KYNU: variants seen among roughly 807,000 people sequenced by gnomAD.
KYNU encodes kynureninase, also known as L-kynurenine hydrolase.
A neutral mutation model predicts 59.2 loss-of-function variants in KYNU; 54 were observed. The ratio of observed to expected loss-of-function variants is 0.91; its 90% CI spans 0.73 to 1.14. The LOEUF (loss-of-function observed/expected upper bound fraction) is 1.14, where lower values mean the gene tolerates loss of function less well. Ranked by LOEUF, KYNU falls within the 50% of genes most tolerant of loss-of-function variation. KYNU has a pLI of 0.00. For synonymous variants in KYNU, 177 were observed against 192.0 expected, an observed-to-expected ratio of 0.92 and a Z score of 0.65; for missense variants, 567 against 554.4, an observed-to-expected ratio of 1.02 and a Z score of -0.23.
At chr2:142,968,391 G>T (rs1428904992) in intron 8 of KYNU, among the ~76,000 whole-genome samples, 1 of 152,158 alleles carries the variant, frequency 6.6e-6, no homozygotes, top group Non-Finnish European at 1.5e-5. Context: ...TTAGAAAAGG[G>T]AGGACAAGTC....
rs191034089 is a variant in KYNU, at chr2:142,922,308, T to G, written c.290+3579T>G. Reference sequence around the variant, plus strand: ...TTGAGTTCAGGAGTTTGAGACCAGCTTGGGCAACATGGTAAAACCCTGTCT... The same window carrying G: ...TTGAGTTCAGGAGTTTGAGACCAGCGTGGGCAACATGGTAAAACCCTGTCT... On this transcript the variant is annotated intron_variant, in intron 3 of 13. Transcript: ENST00000264170. Among the ~76,000 whole-genome samples, 950 of 152,224 alleles carry G rather than the reference T, an allele frequency of 6.2e-3. 5 individuals are homozygous for G. Among genetic ancestry groups the G allele is most frequent in the Non-Finnish European group, 6.4e-3 (436 of 68,012 alleles).
intron 10 of KYNU, among the ~76,000 whole-genome samples, chr2:142,987,323 G>C (rs192786272): frequency 6.6e-6 from 1 of 151,680 alleles, no homozygotes; most frequent in East Asian, 1.9e-4. Context: ...AGGTGGGGTG[G>C]GGGGGAAGAA....
intron 8 of KYNU, 81 bp from the exon 9 acceptor site, chr2:142,985,003 A>G (rs1685156902): frequency 2.3e-6 from 2 of 879,490 alleles, no homozygotes; most frequent in Admixed American, 3.5e-5. Flanking sequence ...GAAGTTTGTC[A>G]AATGTTTTCT....
intron 2 of KYNU, among the ~76,000 whole-genome samples, chr2:142,899,269 T>C (rs1681989552): frequency 6.6e-6 from 1 of 152,180 alleles, no homozygotes. Context: ...TATATCCCGA[T>C]CATTGTCCCC....
rs891269928 is a variant in KYNU, at chr2:142,900,208, G to A, written c.169+14672G>A. Among the ~76,000 whole-genome samples the A allele has an allele frequency of 4.6e-5, 7 of 152,186 alleles. No homozygotes were observed. In the East Asian group the frequency reaches 7.7e-4, roughly 17 times the overall value. On this transcript the variant is annotated intron_variant, in intron 2 of 13. Coordinates refer to ENST00000264170, the MANE Select transcript of KYNU (RefSeq NM_003937.3). ...CTTTAGCCTGATCAGGAGTGGCAGC[G>A]GGCGCCTCGCTGGATCAGGAGCACA...
At chr2:143,005,139 A>G (rs1305884727) in intron 10 of KYNU, among the ~76,000 whole-genome samples, 1 of 152,220 alleles carries the variant, frequency 6.6e-6, no homozygotes, top group East Asian at 1.9e-4. Context: ...GAGGTATTTG[A>G]CAAGTGTAAT....
At position 142,918,575 on chromosome 2, in the gene KYNU, T is replaced by A. The variant is rs560344638; in HGVS notation, c.170-34T>A. ...ATACCATACTGAAAAAGCTTTTATT[T>A]TTTTTTTTTTTTTTGACATTTCTTC... On this transcript the variant is annotated intron_variant, in intron 2 of 13. Transcript: ENST00000264170. 4.0e-3 allele frequency: 4,128 copies of A among 1,038,944 alleles called. 4 individuals carry two copies. In the East Asian group the frequency reaches 0.045, roughly 11 times the overall value. 64.4% of individuals were successfully genotyped at this position (1,038,944 alleles called of 1,614,324 possible).
chr2:142,953,963 T>A (rs1374425414), intron 4 of KYNU: 1 of 152,188 alleles, frequency 6.6e-6, no homozygotes, highest in African/African-American at 2.4e-5. Flanking sequence ...TCCCTCTGGA[T>A]AAGGTACACA....
intron 2 of KYNU, among the ~76,000 whole-genome samples, chr2:142,916,985 C>A (rs16858291): frequency 0.015 from 2,345 of 152,168 alleles, 59 homozygotes; most frequent in African/African-American, 0.053. Context: ...AAAATGTATG[C>A]CCTAATTGGC....
At chr2:143,013,298 C>CTGTGTTTGTGTGTG (rs1686164891) in intron 10 of KYNU, among the ~76,000 whole-genome samples, 1 of 149,468 alleles carries the variant, frequency 6.7e-6, no homozygotes, top group South Asian at 2.1e-4. Context: ...GTCTCTTTCT[C>CTGTGTTTGTGTGTG]TGTGTGTGTG....
At chr2:142,927,168 AT>A (rs1683069996) in intron 3 of KYNU, among the ~76,000 whole-genome samples, 1 of 152,204 alleles carries the variant, frequency 6.6e-6, no homozygotes, top group Non-Finnish European at 1.5e-5. Flanking sequence ...TTATTCATAA[AT>A]TTTGTTATTT....
At chr2:142,918,336 G>T (rs1428650205) in intron 2 of KYNU, among the ~76,000 whole-genome samples, 1 of 152,138 alleles carries the variant, frequency 6.6e-6, no homozygotes, top group Non-Finnish European at 1.5e-5. Context: ...GGCAATTCAT[G>T]ATTGGAAGTA....
chr2:142,955,224 A>G (rs1684122848), intron 5 of KYNU, among the ~76,000 whole-genome samples: 1 of 152,118 alleles, frequency 6.6e-6, no homozygotes, highest in Non-Finnish European at 1.5e-5. Flanking sequence ...TGGCTTCAGC[A>G]GAGTGAGTTA....
chr2:142,925,935 G>GA (rs1406446218), intron 3 of KYNU, among the ~76,000 whole-genome samples: 2 of 152,030 alleles, frequency 1.3e-5, no homozygotes, highest in Non-Finnish European at 2.9e-5. Context: ...CTGTTACCCA[G>GA]AAAAAATGGG....
Position 142,905,653 on chromosome 2 carries a change from A to G in KYNU, c.170-12956A>G, listed in dbSNP as rs140039178. On this transcript the variant is annotated intron_variant, in intron 2 of 13. Coordinates refer to ENST00000264170, the MANE Select transcript of KYNU (RefSeq NM_003937.3). ...CTTTTTTGACTTAGGATAGCTCTGAACTGGTTATGTGTGCTCACAATAAGG... is the reference window on the plus strand; with the variant it reads ...CTTTTTTGACTTAGGATAGCTCTGAGCTGGTTATGTGTGCTCACAATAAGG... 9.2e-5 allele frequency among the ~76,000 whole-genome samples: 14 copies of G among 152,314 alleles called. No individual in the cohort carries two copies. The East Asian group carries it at 2.5e-3, about 27-fold the overall frequency.
At chr2:143,010,881 C>T (rs1048759024) in intron 10 of KYNU, among the ~76,000 whole-genome samples, 4 of 145,250 alleles carry the variant, frequency 2.8e-5, no homozygotes, top group Non-Finnish European at 6.0e-5. Context: ...GAAACTGGAT[C>T]CCTTCCTTAC....
chr2:142,950,766 G>A (rs1467145686), intron 4 of KYNU, among the ~76,000 whole-genome samples: 1 of 152,180 alleles, frequency 6.6e-6, no homozygotes, highest in Non-Finnish European at 1.5e-5. Flanking sequence ...TTTACAACTT[G>A]GCTGTTTGGC....
chr2:142,949,619 C>G (rs1242089274), intron 4 of KYNU, among the ~76,000 whole-genome samples: 1 of 152,160 alleles, frequency 6.6e-6, no homozygotes, highest in Non-Finnish European at 1.5e-5. Context: ...CTCAGGGCAC[C>G]AAGTCCCTAG....
chr2:142,969,782 T>C (rs909772470), intron 8 of KYNU, among the ~76,000 whole-genome samples: 3 of 152,184 alleles, frequency 2.0e-5, no homozygotes, highest in African/African-American at 7.2e-5. Context: ...CCTCATTCAT[T>C]GGCATAACAG....
Sources: gnomAD v4.1 joint callset for allele counts (sites outside exome capture counted in the v4.1 genomes callset) on GRCh38, gnomAD v4.1.1 for gene constraint, MANE v1.5 for transcripts, NCBI Gene and HGNC (gene_info 2026-07-23, HGNC 2026-07-21) for gene names.